KCNH1: variants seen among roughly 807,000 people sequenced by gnomAD.
KCNH1 encodes the protein potassium voltage-gated channel subfamily H member 1, also known as voltage-gated delayed rectifier potassium channel KCNH1.
KCNH1 carries 27 observed loss-of-function variants against 69.2 expected under a neutral mutation model. The ratio of observed to expected loss-of-function variants is 0.39; its 90% CI spans 0.29 to 0.54. The LOEUF is 0.54. Ranked by LOEUF, KCNH1 falls within the 20% of genes least tolerant of loss-of-function variation. KCNH1 has a pLI of 0.68. For synonymous variants in KCNH1, 456 were observed against 487.7 expected, an observed-to-expected ratio of 0.93 and a Z score of 0.86; for missense variants, 798 against 1,261.6, an observed-to-expected ratio of 0.63 and a Z score of 5.57.
At chr1:211,093,757 C>T (rs1326100910) in intron 3 of KCNH1, among the ~76,000 whole-genome samples, 1 of 152,176 alleles carries the variant, frequency 6.6e-6, no homozygotes, top group Non-Finnish European at 1.5e-5. Context: ...TGGTGCTTCT[C>T]TGTGGAAGAA....
chr1:210,900,612 C>T (rs1405166837), intron 7 of KCNH1, among the ~76,000 whole-genome samples: 2 of 152,136 alleles, frequency 1.3e-5, no homozygotes, highest in Non-Finnish European at 2.9e-5. Flanking sequence ...GATGCAGATT[C>T]AGTGCAATTA....
At position 210,953,855 on chromosome 1, in the gene KCNH1, G is replaced by A. The variant is rs560868047; in HGVS notation, c.1033-33786C>T. 2.0e-5 allele frequency among the ~76,000 whole-genome samples: 3 copies of A among 152,238 alleles called. No homozygotes were observed. In the South Asian group the frequency reaches 6.2e-4, roughly 32 times the overall value. On this transcript the variant is annotated intron_variant, in intron 6 of 10. Transcript: ENST00000271751. ...CTCCAGATACATTGAACTACTTGCA[G>A]TTCTCCTTATTCTTTCCTTTGCCTT...
At chr1:210,696,515 G>A (rs1681642974) in intron 10 of KCNH1, among the ~76,000 whole-genome samples, 1 of 152,154 alleles carries the variant, frequency 6.6e-6, no homozygotes, top group African/African-American at 2.4e-5. Context: ...TCCGGTTCAA[G>A]CCTAGCAAGG....
chr1:210,944,633 A>G (rs938742627), intron 6 of KCNH1, among the ~76,000 whole-genome samples: 2 of 152,248 alleles, frequency 1.3e-5, no homozygotes, highest in Non-Finnish European at 2.9e-5. Context: ...TCAGGCACAG[A>G]GCAGCAAATG....
intron 10 of KCNH1, among the ~76,000 whole-genome samples, chr1:210,757,265 G>A (rs1262195246): frequency 6.6e-6 from 1 of 152,128 alleles, no homozygotes; most frequent in Non-Finnish European, 1.5e-5. Context: ...AGCCACCATA[G>A]GACTTGACGA....
chr1:210,882,734 C>G (rs1686523213), intron 7 of KCNH1, among the ~76,000 whole-genome samples: 1 of 152,112 alleles, frequency 6.6e-6, no homozygotes. Context: ...AAATCATTTT[C>G]TTTTCAGGCT....
chr1:210,703,887 T>C (rs1313203309), intron 10 of KCNH1, among the ~76,000 whole-genome samples: 1 of 152,076 alleles, frequency 6.6e-6, no homozygotes, highest in East Asian at 1.9e-4. Context: ...CAGGAGGGCA[T>C]AGAAGGAACA....
rs1039921550 is a variant in KCNH1, at chr1:210,823,165, A to T, written c.1463-18999T>A. Among the ~76,000 whole-genome samples the T allele has an allele frequency of 3.3e-5, 5 of 152,184 alleles. No homozygotes were observed. The East Asian group carries it at 9.6e-4, about 29-fold the overall frequency. On this transcript the variant is annotated intron_variant, in intron 7 of 10. Transcript: ENST00000271751. The stretch of plus-strand genomic sequence containing the variant: ...CCTCAGAAACTATGCTAATGTAAAA[A>T]TGGGTACCAGGCAGCCAATTACTTC...
At chr1:210,886,809 C>T (rs191526483) in intron 7 of KCNH1, among the ~76,000 whole-genome samples, 60 of 151,784 alleles carry the variant, frequency 4.0e-4, no homozygotes, top group Non-Finnish European at 1.2e-4. Flanking sequence ...GATTGAAGAT[C>T]AACTTAATGA....
At chr1:210,960,242 C>T (rs1014410407) in intron 6 of KCNH1, among the ~76,000 whole-genome samples, 1 of 152,180 alleles carries the variant, frequency 6.6e-6, no homozygotes, top group African/African-American at 2.4e-5. Context: ...CAGCCTCCTC[C>T]AAGAAGTAAC....
At chr1:210,884,849 C>G (rs2102513562) in intron 7 of KCNH1, among the ~76,000 whole-genome samples, 1 of 152,350 alleles carries the variant, frequency 6.6e-6, no homozygotes, top group African/African-American at 2.4e-5. Context: ...AGACTGTCTT[C>G]CATCCCTTCT....
At position 211,019,125 on chromosome 1, in the gene KCNH1, A is replaced by G; in HGVS notation, c.690T>C (p.Tyr230=). Residue 230 remains tyrosine (Y), a synonymous_variant, in exon 6 of 11, where the codon TAT becomes TAC. Transcript: ENST00000271751. ...CATTATAAGGGACCAAGATGGCTGT[A>G]TAGAAGGTCAAGATCAAGATGATCC... ...WDWIILILTF[Y]TAILVPYNVS... 6.2e-7 allele frequency: 1 copy of G among 1,614,076 alleles called. No individual in the cohort carries two copies. The highest frequency in any genetic ancestry group is 8.5e-7 in the Non-Finnish European group (1 of 1,179,962).
Position 210,984,209 on chromosome 1 carries a change from T to A in KCNH1, c.1032+34574A>T, listed in dbSNP as rs372990276. On this transcript the variant is annotated intron_variant, in intron 6 of 10. Coordinates refer to ENST00000271751, the MANE Select transcript of KCNH1 (RefSeq NM_172362.3). ...GGGGTTTTCTAGATATACAATCATG[T>A]CATCTGCAAACAGCGACAATTTGAC... 7.9e-5 allele frequency among the ~76,000 whole-genome samples: 12 copies of A among 152,202 alleles called. No individual in the cohort carries two copies. In the East Asian group the frequency reaches 1.3e-3, roughly 17 times the overall value.
chr1:210,869,411 T>C (rs949542081), intron 7 of KCNH1, among the ~76,000 whole-genome samples: 18 of 152,002 alleles, frequency 1.2e-4, no homozygotes, highest in African/African-American at 4.1e-4. Flanking sequence ...TTAAAAGACC[T>C]TGTTTGTTAA....
At chr1:210,788,638 G>T (rs1684148412) in intron 9 of KCNH1, among the ~76,000 whole-genome samples, 1 of 148,368 alleles carries the variant, frequency 6.7e-6, no homozygotes, top group Non-Finnish European at 1.5e-5. Flanking sequence ...TGATACAAGT[G>T]GTTTTGCATT....
intron 5 of KCNH1, among the ~76,000 whole-genome samples, chr1:211,064,280 G>T (rs2102452169): frequency 6.6e-6 from 1 of 152,322 alleles, no homozygotes; most frequent in South Asian, 2.1e-4. Context: ...AAGTGAATTG[G>T]CCGGGCACGG....
intron 10 of KCNH1, among the ~76,000 whole-genome samples, chr1:210,695,023 T>C (rs1390340294): frequency 1.3e-5 from 2 of 152,180 alleles, no homozygotes; most frequent in South Asian, 2.1e-4. Flanking sequence ...GCCCATATAG[T>C]GTTTGCTTCT....
chr1:210,990,508 C>T (rs1291951058), intron 6 of KCNH1, among the ~76,000 whole-genome samples: 2 of 152,102 alleles, frequency 1.3e-5, no homozygotes, highest in Non-Finnish European at 2.9e-5. Flanking sequence ...TTTGACATTC[C>T]AAGTGTGACC....
rs915496989 is a variant in KCNH1 at position 211,022,865 on chromosome 1, A to G, written c.559-3609T>C. Among the ~76,000 whole-genome samples, 8 of 152,058 alleles carry G rather than the reference A, an allele frequency of 5.3e-5. No individual in the cohort carries two copies. In the South Asian group the frequency reaches 1.0e-3, roughly 20 times the overall value. On this transcript the variant is annotated intron_variant, in intron 5 of 10. Coordinates refer to ENST00000271751, the MANE Select transcript of KCNH1 (RefSeq NM_172362.3). ...GGTGGCTCACACCTGTAATACCAGTACTTTGGGAGGCCGAGGAGGGTGGAT... is the reference window on the plus strand; with the variant it reads ...GGTGGCTCACACCTGTAATACCAGTGCTTTGGGAGGCCGAGGAGGGTGGAT...
Sources: gnomAD v4.1 joint callset for allele counts (sites outside exome capture counted in the v4.1 genomes callset) on GRCh38, gnomAD v4.1.1 for gene constraint, MANE v1.5 for transcripts, NCBI Gene and HGNC (gene_info 2026-07-23, HGNC 2026-07-21) for gene names.